DISP1: variants seen among roughly 807,000 people sequenced by gnomAD.
DISP1 encodes protein dispatched homolog 1.
In DISP1, 30 loss-of-function variants were observed where a neutral mutation model predicts 37.3. The ratio of observed to expected loss-of-function variants is 0.80; its 90% CI spans 0.60 to 1.09. The LOEUF (loss-of-function observed/expected upper bound fraction) is 1.09, where lower values mean the gene tolerates loss of function less well. Among genes scored for constraint, DISP1 ranks in the 50% least tolerant of loss-of-function variants. The pLI is 0.00. For missense variants in DISP1, 1,598 were observed against 1,879.5 expected (o/e 0.85, Z 2.77); for synonymous variants, 634 against 690.2 (o/e 0.92, Z 1.28).
chr1:222,957,699 CATCTT>C (rs920452698), intron 3 of DISP1, among the ~76,000 whole-genome samples: 65 of 152,218 alleles, frequency 4.3e-4, no homozygotes, highest in African/African-American at 1.5e-3. Context: ...CCTTGGGACT[CATCTT>C]AAGAAGAAAT....
intron 3 of DISP1, among the ~76,000 whole-genome samples, chr1:222,971,824 C>T (rs993560044): frequency 1.3e-5 from 2 of 151,974 alleles, no homozygotes; most frequent in Non-Finnish European, 2.9e-5. Context: ...ACTCTTTATG[C>T]AATTTGTATA....
At chr1:222,878,017 A>G (rs974094901) in intron 1 of DISP1, among the ~76,000 whole-genome samples, 1 of 152,194 alleles carries the variant, frequency 6.6e-6, no homozygotes, top group East Asian at 1.9e-4. Flanking sequence ...GTCAGATCCC[A>G]CAGAATTCTG....
chr1:222,926,016 T>C (rs1052443037), intron 1 of DISP1, among the ~76,000 whole-genome samples: 1 of 152,178 alleles, frequency 6.6e-6, no homozygotes, highest in Non-Finnish European at 1.5e-5. Context: ...ATCACCATTA[T>C]CTAATTCTAT....
Position 222,995,160 on chromosome 1 carries a change from G to C in DISP1, c.987+178G>C, listed in dbSNP as rs574148351. Among the ~76,000 whole-genome samples the C allele has an allele frequency of 4.6e-5, 7 of 152,272 alleles. No homozygotes were observed. In the South Asian group the frequency reaches 1.0e-3, roughly 23 times the overall value. On this transcript the variant is annotated intron_variant, in intron 8 of 8. Transcript: ENST00000675850. ...TTCAGATCCCAGGATCAAAGTGTCC[G>C]TGTTTCCTTCAACTTTAAAACATAC...
At chr1:222,969,883 A>G (rs1481178875) in intron 3 of DISP1, among the ~76,000 whole-genome samples, 7 of 152,180 alleles carry the variant, frequency 4.6e-5, no homozygotes, top group Non-Finnish European at 1.0e-4. Flanking sequence ...AAACAAACCA[A>G]CATTAATACA....
At chr1:222,880,956 GT>G (rs1362254516) in intron 1 of DISP1, among the ~76,000 whole-genome samples, 2 of 152,044 alleles carry the variant, frequency 1.3e-5, no homozygotes, top group Admixed American at 1.3e-4. Context: ...AGCTACTCTG[GT>G]GGCTGAGGCA....
intron 1 of DISP1, among the ~76,000 whole-genome samples, chr1:222,820,455 T>C (rs550619598): frequency 6.6e-6 from 1 of 152,278 alleles, no homozygotes; most frequent in East Asian, 1.9e-4. Context: ...TGAGAGGGCT[T>C]CCTTTCTGGA....
chr1:222,821,878 C>CAA (rs35160286), intron 1 of DISP1, among the ~76,000 whole-genome samples: 71 of 73,280 alleles, frequency 9.7e-4, no homozygotes, highest in African/African-American at 1.0e-3. Flanking sequence ...GACTCCATCT[C>CAA]AAAAAAAAAA....
chr1:222,965,101 T>C (rs569036524), intron 3 of DISP1, among the ~76,000 whole-genome samples: 116 of 152,286 alleles, frequency 7.6e-4, no homozygotes, highest in African/African-American at 2.7e-3. Context: ...CCTTCTACTT[T>C]ATGAAAACAA....
intron 3 of DISP1, among the ~76,000 whole-genome samples, chr1:222,972,350 C>T (rs1367295829): frequency 1.3e-5 from 2 of 151,998 alleles, no homozygotes; most frequent in Non-Finnish European, 2.9e-5. Flanking sequence ...GCAGTAGCTC[C>T]TAACCTGCTC....
intron 1 of DISP1, among the ~76,000 whole-genome samples, chr1:222,902,091 T>A (rs568694006): frequency 2.1e-5 from 3 of 142,088 alleles, no homozygotes; most frequent in East Asian, 4.3e-4. Flanking sequence ...ATTTTGTTGA[T>A]CTTTTCAAAA....
At chr1:222,871,811 C>T (rs2125346223) in intron 1 of DISP1, among the ~76,000 whole-genome samples, 1 of 152,314 alleles carries the variant, frequency 6.6e-6, no homozygotes, top group African/African-American at 2.4e-5. Flanking sequence ...CTGGCCAGAA[C>T]TTCCAACACT....
In DISP1 at chr1:223,004,847, G is replaced by A. The variant is rs1171287065; in HGVS notation, c.3450G>A (p.Gln1150=). The change falls in exon 9 of 9, where the codon CAG becomes CAA. Residue 1150 remains glutamine (Q), a synonymous_variant. Coordinates refer to ENST00000675850, the MANE Select transcript of DISP1 (RefSeq NM_001377229.1). This position sits in a 1 kb window ranked among gnomAD's most constrained non-coding sequence, Gnocchi z 4.9. ...AGATTCCTTTACCTAAAAAACTACA[G>A]TGCAGTGCCTTTTCCCATGCCTTGT... is the stretch of plus-strand genomic sequence containing the variant. ...CGQIPLPKKL[Q]CSAFSHALST... 8.1e-6 allele frequency: 13 copies of A among 1,609,550 alleles called. No homozygotes were observed. The highest frequency in any genetic ancestry group is 1.6e-4 in the Middle Eastern group (1 of 6,084).
intron 3 of DISP1, among the ~76,000 whole-genome samples, chr1:222,977,485 G>A (rs1677449366): frequency 7.1e-6 from 1 of 141,570 alleles, no homozygotes; most frequent in Non-Finnish European, 1.5e-5. Flanking sequence ...TAGATTACTT[G>A]TCACTATATT....
intron 1 of DISP1, among the ~76,000 whole-genome samples, chr1:222,869,447 T>C (rs1252384324): frequency 2.6e-5 from 4 of 152,168 alleles, no homozygotes; most frequent in African/African-American, 9.6e-5. Context: ...GTGTGTGTGT[T>C]ATAGTCAACT....
chr1:223,005,207 A>G lies in DISP1; in HGVS notation c.3810A>G (p.Arg1270=). The part of the protein sequence containing the change: ...TVCHFFSLNQ[R]CSCPDAYKHL... ...GTCACTTCTTCTCTCTGAATCAGAG[A>G]TGTAGCTGCCCAGATGCCTACAAAC... Residue 1270 remains arginine (R), a synonymous_variant, in exon 9 of 9, where the codon AGA becomes AGG. Coordinates refer to ENST00000675850, the MANE Select transcript of DISP1 (RefSeq NM_001377229.1). 6.2e-7 allele frequency: 1 copy of G among 1,614,136 alleles called. No individual in the cohort carries two copies. The highest frequency in any genetic ancestry group is 8.5e-7 in the Non-Finnish European group (1 of 1,180,006).
At chr1:222,842,762 T>A (rs1364501026) in intron 1 of DISP1, among the ~76,000 whole-genome samples, 1 of 152,040 alleles carries the variant, frequency 6.6e-6, no homozygotes, top group Admixed American at 6.6e-5. Flanking sequence ...ATGGATTTAA[T>A]TTTGTTTAGC....
At chr1:222,961,324 T>C (rs574860859) in intron 3 of DISP1, among the ~76,000 whole-genome samples, 1 of 152,248 alleles carries the variant, frequency 6.6e-6, no homozygotes, top group East Asian at 1.9e-4. Context: ...CATTCACAAA[T>C]CAATAAACGT....
intron 1 of DISP1, among the ~76,000 whole-genome samples, chr1:222,906,648 A>G (rs1671911289): frequency 6.6e-6 from 1 of 152,266 alleles, no homozygotes; most frequent in African/African-American, 2.4e-5. Flanking sequence ...TACAAATGCC[A>G]TGGCAACATC....
Sources: allele counts gnomAD v4.1 joint callset (sites outside exome capture counted in the v4.1 genomes callset), GRCh38; gene constraint gnomAD v4.1.1; non-coding constraint Gnocchi (gnomAD v3.1); transcripts MANE v1.5; gene names NCBI Gene and HGNC (gene_info 2026-07-23, HGNC 2026-07-21).